Variants in KIF27 observed in about 807,000 individuals in gnomAD.
KIF27 encodes the protein kinesin family member 27, also known as kinesin-like protein KIF27.
Under a neutral mutation model 141.8 loss-of-function variants are expected in KIF27, and 84 were observed. The ratio of observed to expected loss-of-function variants is 0.59; its 90% CI spans 0.50 to 0.71. The LOEUF (loss-of-function observed/expected upper bound fraction) is 0.71, where lower values mean the gene tolerates loss of function less well. Among genes scored for constraint, KIF27 ranks in the 30% least tolerant of loss-of-function variants. The pLI is 0.00. For synonymous variants in KIF27, 471 were observed against 569.5 expected, an observed-to-expected ratio of 0.83 and a Z score of 2.46; for missense variants, 1,306 against 1,628.4, an observed-to-expected ratio of 0.80 and a Z score of 3.41.
chr9:83,881,697 G>A (rs904206789), intron 10 of KIF27, among the ~76,000 whole-genome samples: 2 of 152,232 alleles, frequency 1.3e-5, no homozygotes, highest in Non-Finnish European at 2.9e-5. Context: ...ACAGGCCTTT[G>A]CCATTTCCAG....
chr9:83,868,719 T>C (rs1249331620), intron 12 of KIF27, among the ~76,000 whole-genome samples: 2 of 152,066 alleles, frequency 1.3e-5, no homozygotes, highest in Non-Finnish European at 2.9e-5. Context: ...ATGAACCTTA[T>C]AGAAAGGGTT....
chr9:83,899,612 A>G lies in KIF27; in HGVS notation c.1602+49T>C, dbSNP rs192691910. 28 of 1,414,162 alleles carry G rather than the reference A, an allele frequency of 2.0e-5. No individual in the cohort carries two copies. The Admixed American group carries it at 3.4e-4, about 17-fold the overall frequency. 87.6% of individuals were successfully genotyped at this position (1,414,162 alleles called of 1,614,324 possible). ...ATTTAAAATGCTACTGTGTTTAGTT[A>G]GGTACTATTTCAAGAAAATCTACAG... On this transcript the variant is annotated intron_variant, in intron 5 of 17. Coordinates refer to ENST00000297814, the MANE Select transcript of KIF27 (RefSeq NM_017576.4).
At position 83,903,909 on chromosome 9, in the gene KIF27, G is replaced by A. The variant is rs1255124336; in HGVS notation, c.609C>T (p.His203=). 3 of 1,614,010 alleles carry A rather than the reference G, an allele frequency of 1.9e-6. No individual in the cohort carries two copies. The highest frequency in any genetic ancestry group is 2.2e-5 in the East Asian group (1 of 44,892). ...RHTGTTQMNE[H]SSRSHAIFTI... ...TAAAAATTGCATGTGATCTGCTGGA[G>A]TGCTCATTCATTTGAGTGGTACCTG... is the stretch of plus-strand genomic sequence containing the variant. The change falls in exon 4 of 18, where the codon CAC becomes CAT. Residue 203 remains histidine (H), a synonymous_variant. Transcript: ENST00000297814.
intron 11 of KIF27, among the ~76,000 whole-genome samples, chr9:83,876,969 T>C (rs1489258259): frequency 6.6e-6 from 1 of 151,940 alleles, no homozygotes; most frequent in African/African-American, 2.4e-5. Context: ...TCCCACTGCT[T>C]AGGAGGCTAA....
intron 11 of KIF27, among the ~76,000 whole-genome samples, chr9:83,875,413 G>A (rs1951134422): frequency 6.6e-6 from 1 of 152,190 alleles, no homozygotes; most frequent in Non-Finnish European, 1.5e-5. Context: ...GGAAAGGTAA[G>A]TAAGGAAGAT....
intron 11 of KIF27, among the ~76,000 whole-genome samples, chr9:83,871,750 T>C (rs1950814203): frequency 6.6e-6 from 1 of 151,648 alleles, no homozygotes. Context: ...TGCAATGGCA[T>C]AATCTTGGCC....
rs1564283561 is a variant in KIF27 at position 83,848,100 on chromosome 9, A to ATGATATCTCATATCTGATATATC, written c.3556+1976_3556+1998dup. Among the ~76,000 whole-genome samples the ATGATATCTCATATCTGATATATC allele has an allele frequency of 8.7e-4, 37 of 42,502 alleles. 10 individuals are homozygous for ATGATATCTCATATCTGATATATC. The highest frequency in any genetic ancestry group is 6.3e-3 in the East Asian group (14 of 2,236). The allele number at this position is 42,502 out of a possible 152,430, so 27.9% of individuals were successfully genotyped here. ...ATGATATATCATATATATGATATAT[A>ATGATATCTCATATCTGATATATC]TGATATCTCATATCTGATATATCTG... On this transcript the variant is annotated intron_variant, in intron 16 of 17. Transcript: ENST00000297814.
In KIF27 at chr9:83,904,277, A is replaced by G. The variant is rs527473237; in HGVS notation, c.500-259T>C. On this transcript the variant is annotated intron_variant, in intron 3 of 17. Coordinates refer to ENST00000297814, the MANE Select transcript of KIF27 (RefSeq NM_017576.4). ...ATTTTTTGAAAAAACAATCTAGTTT[A>G]TCTTGAGTCATGAGTCACACTCAAT... Among the ~76,000 whole-genome samples the G allele has an allele frequency of 2.0e-5, 3 of 152,336 alleles. No homozygotes were observed. In the South Asian group the frequency reaches 6.2e-4, roughly 32 times the overall value.
chr9:83,909,161 A>G (rs1166215121), intron 2 of KIF27, among the ~76,000 whole-genome samples: 7 of 152,218 alleles, frequency 4.6e-5, no homozygotes, highest in Admixed American at 2.0e-4. Flanking sequence ...CTGATAAGTG[A>G]ATTATATGGC....
chr9:83,900,156 C>T (rs1051979854), intron 4 of KIF27, among the ~76,000 whole-genome samples: 9 of 152,140 alleles, frequency 5.9e-5, no homozygotes, highest in Middle Eastern at 6.8e-3. Context: ...CTCACATTTT[C>T]CAAATTGACA....
At chr9:83,919,969 C>T (rs1424004777) in intron 1 of KIF27, among the ~76,000 whole-genome samples, 1 of 151,860 alleles carries the variant, frequency 6.6e-6, no homozygotes, top group Non-Finnish European at 1.5e-5. Context: ...CAGTGGTTCA[C>T]ACCTGTAATC....
intron 9 of KIF27, among the ~76,000 whole-genome samples, chr9:83,886,789 ATTAAGTGCCACAGAATTTCAG>A (rs2132294374): frequency 1.3e-5 from 2 of 152,044 alleles, no homozygotes; most frequent in East Asian, 3.9e-4. Context: ...TAACTGGTAC[ATTAAGTGCCACAGAATTTCAG>A]CACAATGCAG....
chr9:83,920,141 G>C (rs1956113829), intron 1 of KIF27, among the ~76,000 whole-genome samples: 1 of 152,156 alleles, frequency 6.6e-6, no homozygotes, highest in Non-Finnish European at 1.5e-5. Flanking sequence ...TGAGATTGGA[G>C]GATCGCTTGA....
intron 1 of KIF27, among the ~76,000 whole-genome samples, chr9:83,918,599 T>A (rs754114987): frequency 3.9e-4 from 59 of 152,160 alleles, no homozygotes; most frequent in Middle Eastern, 3.4e-3. Context: ...AATGAGCACA[T>A]GAAAAGATGC....
Position 83,888,535 on chromosome 9 carries a change from C to T in KIF27, c.2037G>A (p.Leu679=), listed in dbSNP as rs1291725251. Residue 679 remains leucine, a synonymous_variant, in exon 8 of 18, where the codon TTG becomes TTA. Transcript: ENST00000297814. ...KPDSVCSLVE[L]SDTQDETQKS... ...TTTGTGTTTCATCCTGAGTATCACT[C>T]AATTCAACAAGGGAACAAACAGAGT... 1.2e-6 allele frequency: 2 copies of T among 1,600,648 alleles called. No homozygotes were observed. Among genetic ancestry groups the T allele is most frequent in the Non-Finnish European group, 1.7e-6 (2 of 1,172,770 alleles).
At chr9:83,869,479 T>A (rs1286626171) in intron 12 of KIF27, among the ~76,000 whole-genome samples, 1 of 152,180 alleles carries the variant, frequency 6.6e-6, no homozygotes, top group African/African-American at 2.4e-5. Context: ...CTCACACCTG[T>A]AATCCCAGCA....
At chr9:83,874,933 CAAAAAAA>C (rs34762926) in intron 11 of KIF27, among the ~76,000 whole-genome samples, 1 of 91,424 alleles carries the variant, frequency 1.1e-5, no homozygotes, top group Non-Finnish European at 2.1e-5. Flanking sequence ...GACCTTGTCT[CAAAAAAA>C]AAAAAAAAAA....
chr9:83,920,647 T>C (rs1262687949), intron 1 of KIF27, among the ~76,000 whole-genome samples: 2 of 152,066 alleles, frequency 1.3e-5, no homozygotes, highest in East Asian at 3.9e-4. Flanking sequence ...AGGCCCCAAA[T>C]GCGTAAAGAC....
chr9:83,841,165 G>A (rs1946514290), intron 17 of KIF27, among the ~76,000 whole-genome samples: 2 of 152,066 alleles, frequency 1.3e-5, no homozygotes, highest in Non-Finnish European at 2.9e-5. Context: ...CCGCCTCCCG[G>A]GTTCAAGCGA....
Sources: allele counts gnomAD v4.1 joint callset (sites outside exome capture counted in the v4.1 genomes callset), GRCh38; gene constraint gnomAD v4.1.1; transcripts MANE v1.5; gene names NCBI Gene and HGNC (gene_info 2026-07-23, HGNC 2026-07-21).